Variants in GKN1 observed in about 807,000 individuals in gnomAD.
GKN1 encodes gastrokine 1.
Under a neutral mutation model 19.7 loss-of-function variants are expected in GKN1, and 17 were observed. That is an observed-to-expected ratio of 0.86 (90% confidence interval 0.59 to 1.29). The LOEUF is 1.29. Among genes scored for constraint, GKN1 ranks in the 50% most tolerant of loss-of-function variants. GKN1 has a pLI of 0.00. For synonymous variants in GKN1, 96 were observed against 78.3 expected (o/e 1.23, Z -1.20); for missense variants, 218 against 224.5 (o/e 0.97, Z 0.19).
At position 68,977,346 on chromosome 2, in the gene GKN1, A is replaced by C. The variant is rs1670275856; in HGVS notation, c.13-149A>C. On this transcript the variant is annotated intron_variant, in intron 1 of 5. Transcript: ENST00000377938. The stretch of plus-strand genomic sequence containing the variant: ...ATCGTTAAAACCTTTATGGTTAAAA[A>C]ATGCAAGGTAAGAGAAGAAAAAAAC... The C allele has an allele frequency of 9.9e-6, 6 of 605,360 alleles. 1 individual carries two copies. The highest frequency in any genetic ancestry group is 8.8e-4 in the Middle Eastern group (2 of 2,270). The allele number at this position is 605,360 out of a possible 1,614,324, so 37.5% of individuals were successfully genotyped here.
intron 3 of GKN1, among the ~76,000 whole-genome samples, chr2:68,978,302 G>GAAAGAAAGAAA (rs1670305965): frequency 4.3e-5 from 5 of 117,188 alleles, no homozygotes; most frequent in Admixed American, 8.4e-5. Context: ...GAAAGAGAGA[G>GAAAGAAAGAAA]AAAGAAAGAA....
chr2:68,977,215 CCTT>C (rs1670273862), intron 1 of GKN1, among the ~76,000 whole-genome samples: 1 of 152,092 alleles, frequency 6.6e-6, no homozygotes, highest in Non-Finnish European at 1.5e-5. Flanking sequence ...TCTCAACTTC[CCTT>C]CTTCATCAAT....
Position 68,980,756 on chromosome 2 carries a change from C to A in GKN1, c.491C>A (p.Thr164Lys). The change falls in exon 6 of 6, where the codon ACG (threonine) becomes AAG (lysine). Residue 164 changes from threonine (T) to lysine (K), a missense_variant. Thr to Lys is a moderately conservative substitution (Grantham distance 78). Coordinates refer to ENST00000377938, the MANE Select transcript of GKN1 (RefSeq NM_019617.4). Reference protein sequence around the residue: ...QEASLFFYSGTCYTTSVLWIV... With the variant: ...QEASLFFYSGKCYTTSVLWIV... ...GCAAGCCTGTTTTTTTACTCAGGAA[C>A]GTGCTACACGACCAGTGTACTATGG... 1 of 1,587,856 alleles carries A rather than the reference C, an allele frequency of 6.3e-7. No homozygotes were observed. Among genetic ancestry groups the A allele is most frequent in the African/African-American group, 1.3e-5 (1 of 74,474 alleles).
chr2:68,980,856 T>A lies in GKN1; in HGVS notation c.*33T>A. On this transcript the variant is annotated 3_prime_UTR_variant, in exon 6 of 6. Transcript: ENST00000377938. ...TTTAAAGCCACTATGGATTTAGTCA[T>A]CTGAATATGCTGTGCAGAAAAAATA... is the stretch of plus-strand genomic sequence containing the variant. 9.7e-7 allele frequency: 1 copy of A among 1,029,770 alleles called. No homozygotes were observed. The highest frequency in any genetic ancestry group is 1.5e-6 in the Non-Finnish European group (1 of 647,800). The allele number at this position is 1,029,770 out of a possible 1,614,324, so 63.8% of individuals were successfully genotyped here.
chr2:68,979,176 A>G (rs1173477650), intron 4 of GKN1, among the ~76,000 whole-genome samples, 195 bp downstream of exon 4: 5 of 152,308 alleles, frequency 3.3e-5, no homozygotes, highest in African/African-American at 1.2e-4. Context: ...ACCTACCTCT[A>G]CAACCGCTGA....
chr2:68,974,940 T>A (rs896850673), intron 1 of GKN1, among the ~76,000 whole-genome samples: 1 of 152,100 alleles, frequency 6.6e-6, no homozygotes, highest in South Asian at 2.1e-4. Context: ...CATATACCTA[T>A]GTAACAAACC....
intron 1 of GKN1, 64 bp from the exon 2 acceptor site, chr2:68,977,431 T>C (rs1670277394): frequency 9.4e-7 from 1 of 1,063,710 alleles, no homozygotes; most frequent in Non-Finnish European, 1.5e-6. Context: ...TAAGCTTGGA[T>C]AGAGGAAGAA....
chr2:68,976,456 T>C (rs1304635519), intron 1 of GKN1, among the ~76,000 whole-genome samples: 1 of 152,196 alleles, frequency 6.6e-6, no homozygotes, highest in Non-Finnish European at 1.5e-5. Context: ...TCTGAATTTC[T>C]CTAAAGAGAG....
Position 68,980,929 on chromosome 2 carries a change from A to C in GKN1, c.*106A>C. The C allele has an allele frequency of 1.5e-6, 1 of 664,788 alleles. No individual in the cohort carries two copies. Among genetic ancestry groups the C allele is most frequent in the Non-Finnish European group, 2.7e-6 (1 of 369,494 alleles). The allele number at this position is 664,788 out of a possible 1,614,324, so 41.2% of individuals were successfully genotyped here. On this transcript the variant is annotated 3_prime_UTR_variant, in exon 6 of 6. Coordinates refer to ENST00000377938, the MANE Select transcript of GKN1 (RefSeq NM_019617.4). ...TGTCATTCTGAAATTTTTCTCTACT[A>C]GTTATGTTTGATTTCTTTAAGTTTC...
intron 1 of GKN1, among the ~76,000 whole-genome samples, chr2:68,975,576 C>T (rs1025317549): frequency 2.6e-5 from 4 of 152,160 alleles, no homozygotes; most frequent in African/African-American, 4.8e-5. Flanking sequence ...TTACGGCAGA[C>T]TCTACTTTAT....
At chr2:68,977,580 A>C in intron 2 of GKN1, 32 bp downstream of exon 2, 3 of 1,605,300 alleles carry the variant, frequency 1.9e-6, no homozygotes, top group Non-Finnish European at 2.6e-6. Context: ...TTGCTACCAA[A>C]ATGCATTTGC....
intron 1 of GKN1, among the ~76,000 whole-genome samples, chr2:68,975,703 C>G (rs1407266763): frequency 1.3e-5 from 2 of 152,122 alleles, no homozygotes; most frequent in Non-Finnish European, 2.9e-5. Flanking sequence ...TCTCCTAGTT[C>G]TGCTGTGAAC....
chr2:68,978,266 A>G (rs1034402065), intron 3 of GKN1, among the ~76,000 whole-genome samples: 1 of 130,756 alleles, frequency 7.6e-6, no homozygotes, highest in African/African-American at 3.4e-5. Flanking sequence ...GAAAGAAGGA[A>G]GGAAGGAAAG....
chr2:68,974,755 A>C, intron 1 of GKN1, 66 bp downstream of exon 1: 1 of 1,089,376 alleles, frequency 9.2e-7, no homozygotes, highest in African/African-American at 1.5e-5. Context: ...TCTGAGATTT[A>C]GGAGGTCTGC....
chr2:68,974,667 G>A lies in GKN1; in HGVS notation c.-11G>A, dbSNP rs139153499. On this transcript the variant is annotated 5_prime_UTR_variant, in exon 1 of 6. It adds an upstream start codon to the 5' untranslated region. Transcript: ENST00000377938. The stretch of plus-strand genomic sequence containing the variant: ...GCCTACTCCTCTGTCCACTGCTTTC[G>A]TGAAGACAAGATGAAGTTCACAGTG... 1.2e-3 allele frequency: 1,913 copies of A among 1,602,598 alleles called. 11 individuals carry two copies. The Middle Eastern group carries it at 0.018, about 15-fold the overall frequency.
chr2:68,975,615 C>G (rs1162234683), intron 1 of GKN1, among the ~76,000 whole-genome samples: 1 of 152,096 alleles, frequency 6.6e-6, no homozygotes, highest in African/African-American at 2.4e-5. Context: ...AAATGACTAC[C>G]TAGAACTAGG....
intron 1 of GKN1, among the ~76,000 whole-genome samples, 198 bp downstream of exon 1, chr2:68,974,887 C>T (rs1261066648): frequency 6.6e-6 from 1 of 152,044 alleles, no homozygotes; most frequent in African/African-American, 2.4e-5. Flanking sequence ...GGGGAGGGAA[C>T]TTAGAGGACA....
chr2:68,980,602 C>A, intron 5 of GKN1, 127 bp from the exon 6 acceptor site: 1 of 620,244 alleles, frequency 1.6e-6, no homozygotes, highest in South Asian at 2.0e-5. Flanking sequence ...TTGATTTCAT[C>A]ACAACAAGTA....
intron 5 of GKN1, 142 bp downstream of exon 5, chr2:68,980,202 T>A (rs1183273493): frequency 5.7e-6 from 4 of 707,746 alleles, no homozygotes; most frequent in African/African-American, 5.3e-5. Context: ...CTGTGCCAGG[T>A]ACTGTTCTAT....
Sources: gnomAD v4.1 joint callset for allele counts (sites outside exome capture counted in the v4.1 genomes callset) on GRCh38, gnomAD v4.1.1 for gene constraint, MANE v1.5 for transcripts, NCBI Gene and HGNC (gene_info 2026-07-23, HGNC 2026-07-21) for gene names.